The following SYTL2 variants were observed in gnomAD, a reference collection of about 807,000 sequenced individuals.
SYTL2 encodes synaptotagmin-like protein 2.
In SYTL2, 165 loss-of-function variants were observed where a neutral mutation model predicts 198.7. The ratio of observed to expected loss-of-function variants is 0.83; its 90% confidence interval spans 0.73 to 0.94. The LOEUF is 0.94. SYTL2 is among the 40% of genes least tolerant of loss of function. The pLI is 0.00. For synonymous variants in SYTL2, 966 were observed against 917.7 expected, an observed-to-expected ratio of 1.05 and a Z score of -0.95; for missense variants, 2,835 against 2,582.8, an observed-to-expected ratio of 1.10 and a Z score of -2.12.
chr11:85,719,806 T>C (rs1468600910), intron 9 of SYTL2, among the ~76,000 whole-genome samples: 1 of 152,214 alleles, frequency 6.6e-6, no homozygotes, highest in Non-Finnish European at 1.5e-5. Flanking sequence ...TAGGAAATGT[T>C]TGGTGAAGTG....
intron 1 of SYTL2, among the ~76,000 whole-genome samples, chr11:85,759,774 TTC>T: frequency 6.6e-6 from 1 of 152,228 alleles, no homozygotes; most frequent in African/African-American, 2.4e-5. Flanking sequence ...TTACTTCATT[TTC>T]TTTTTAATTT....
At chr11:85,740,895 A>C (rs520500) in intron 4 of SYTL2, among the ~76,000 whole-genome samples, 99,024 of 152,118 alleles carry the variant, frequency 0.65, 32,653 homozygotes, top group Middle Eastern at 0.71. Context: ...AGGAAGGGCC[A>C]CTGGGGGAAG....
intron 1 of SYTL2, among the ~76,000 whole-genome samples, chr11:85,769,569 C>G (rs956664131): frequency 3.9e-5 from 6 of 152,176 alleles, no homozygotes; most frequent in African/African-American, 1.4e-4. Flanking sequence ...TTGTCTTAAG[C>G]CCCTAAGTTC....
intron 10 of SYTL2, among the ~76,000 whole-genome samples, chr11:85,718,055 A>T (rs2087655053): frequency 6.6e-6 from 1 of 152,236 alleles, no homozygotes; most frequent in South Asian, 2.1e-4. Flanking sequence ...AAGCTCAGTG[A>T]GTACACATTT....
At chr11:85,771,325 C>T (rs2092351304) in intron 1 of SYTL2, among the ~76,000 whole-genome samples, 1 of 152,216 alleles carries the variant, frequency 6.6e-6, no homozygotes, top group Non-Finnish European at 1.5e-5. Context: ...AAAATGGAAA[C>T]TTGGCAAGAC....
chr11:85,724,929 G>A lies in SYTL2; in HGVS notation c.4429C>T (p.Gln1477Ter). The A allele has an allele frequency of 6.2e-7, 1 of 1,614,128 alleles. No homozygotes were observed. Among genetic ancestry groups the A allele is most frequent in the Non-Finnish European group, 8.5e-7 (1 of 1,180,002 alleles). ...TCCCTCACAATTTCTTCCACTTCCT[G>A]AGGGAGGCCTTTGCCATATTGAGCA... ...IVAQYGKGLP[Q>*]EVEEIVRETI... is the part of the protein sequence containing the mutation. The change falls in exon 8 of 20, where the codon CAG becomes TAG. Residue 1477 changes from glutamine (Q) to a stop codon, truncating the protein, a stop_gained. Transcript: ENST00000359152. LOFTEE classifies it high-confidence loss of function.
upstream of SYTL2, among the ~76,000 whole-genome samples, chr11:85,813,714 C>T (rs202005756): frequency 3.6e-4 from 47 of 130,282 alleles, 1 homozygote; most frequent in South Asian, 7.9e-3. Flanking sequence ...CTCCCTCCCT[C>T]CTTTCCTTCC....
intron 1 of SYTL2, among the ~76,000 whole-genome samples, chr11:85,782,690 C>A (rs919161808): frequency 3.3e-5 from 5 of 152,142 alleles, no homozygotes. Context: ...AACACTTTAC[C>A]GCTTAGAAAT....
chr11:85,830,570 G>T, the SYTL2 span, among the ~76,000 whole-genome samples: 1 of 150,006 alleles, frequency 6.7e-6, no homozygotes, highest in African/African-American at 2.4e-5. Context: ...CTTTGTCTAG[G>T]ACTTTCTTCA....
At chr11:85,781,983 T>G (rs1253902231) in intron 1 of SYTL2, among the ~76,000 whole-genome samples, 1 of 152,214 alleles carries the variant, frequency 6.6e-6, no homozygotes, top group Non-Finnish European at 1.5e-5. Flanking sequence ...AGTAGCCCTC[T>G]TCTCACAGCT....
the SYTL2 span, among the ~76,000 whole-genome samples, chr11:85,832,988 C>A: frequency 8.0e-6 from 1 of 124,594 alleles, no homozygotes; most frequent in African/African-American, 3.0e-5. Context: ...ACAGGGAGAC[C>A]CTGTCTCAAA....
the SYTL2 span, chr11:85,853,273 T>C: frequency 6.9e-6 from 3 of 436,258 alleles, no homozygotes; most frequent in Non-Finnish European, 1.4e-5. Flanking sequence ...GTGTCTTGAG[T>C]AGAAAAAAGT....
chr11:85,758,291 T>A (rs1339575390), intron 1 of SYTL2, among the ~76,000 whole-genome samples, 177 bp from the exon 2 acceptor site: 1 of 152,200 alleles, frequency 6.6e-6, no homozygotes, highest in Non-Finnish European at 1.5e-5. Flanking sequence ...TCAACCCTAT[T>A]CCAGACGGCC....
chr11:85,802,657 G>A (rs2092907660), intron 1 of SYTL2, among the ~76,000 whole-genome samples: 1 of 152,174 alleles, frequency 6.6e-6, no homozygotes, highest in Admixed American at 6.5e-5. Context: ...GAAAGAAAGA[G>A]AAGGGAAGAG....
At chr11:85,822,451 C>T in the SYTL2 span, among the ~76,000 whole-genome samples, 500 of 152,350 alleles carry the variant, frequency 3.3e-3, 6 homozygotes, top group Middle Eastern at 0.01. Flanking sequence ...TTGACCTTCT[C>T]CTGTCAAACT....
At chr11:85,712,157 G>T (rs290202) in intron 12 of SYTL2, among the ~76,000 whole-genome samples, 86,933 of 151,970 alleles carry the variant, frequency 0.57, 25,463 homozygotes, top group Middle Eastern at 0.64. Context: ...ATGCAATTAT[G>T]CATCAATATA....
chr11:85,766,865 G>C (rs1186505021), intron 1 of SYTL2, among the ~76,000 whole-genome samples: 1 of 152,166 alleles, frequency 6.6e-6, no homozygotes, highest in Non-Finnish European at 1.5e-5. Flanking sequence ...TACGATCTCT[G>C]TCAACAGCAC....
chr11:85,761,770 T>C (rs1195992883), intron 1 of SYTL2, among the ~76,000 whole-genome samples: 3 of 152,212 alleles, frequency 2.0e-5, no homozygotes, highest in African/African-American at 7.2e-5. Context: ...GCAATTCTCA[T>C]GCCTCAGCCT....
intron 3 of SYTL2, 59 bp downstream of exon 3, chr11:85,748,212 TC>T (rs2091286995): frequency 3.9e-6 from 6 of 1,556,972 alleles, no homozygotes; most frequent in Middle Eastern, 3.4e-4. Flanking sequence ...CATTCCCTTC[TC>T]CCCGCTCCTC....
Sources: allele counts gnomAD v4.1 joint callset (sites outside exome capture counted in the v4.1 genomes callset), GRCh38; gene constraint gnomAD v4.1.1; transcripts MANE v1.5; gene names NCBI Gene and HGNC (gene_info 2026-07-23, HGNC 2026-07-21).